Variants in HECW1 observed in about 807,000 individuals in gnomAD.
HECW1 encodes HECT, C2 and WW domain containing E3 ubiquitin protein ligase 1.
In HECW1, 61 loss-of-function variants were observed where a neutral mutation model predicts 182.3. The observed-to-expected ratio is 0.33, with a 90% CI of 0.27 to 0.41. The LOEUF is 0.41. Ranked by LOEUF, HECW1 falls within the 10% of genes least tolerant of loss-of-function variation. HECW1 has a pLI of 1.00. For synonymous variants in HECW1, 859 were observed against 832.6 expected (o/e 1.03, Z -0.55); for missense variants, 1,739 against 2,108.9 (o/e 0.82, Z 3.44).
At chr7:43,448,956 C>T (rs2077150108) in intron 11 of HECW1, among the ~76,000 whole-genome samples, 1 of 152,192 alleles carries the variant, frequency 6.6e-6, no homozygotes, top group African/African-American at 2.4e-5. Context: ...TTCTTCAGTG[C>T]CTCCATCCAT....
intron 21 of HECW1, among the ~76,000 whole-genome samples, chr7:43,503,631 C>A (rs867702162): frequency 6.6e-6 from 1 of 152,096 alleles, no homozygotes; most frequent in Middle Eastern, 3.2e-3. Context: ...TAGCATTGAC[C>A]ACAGGGTCCT....
intron 2 of HECW1, among the ~76,000 whole-genome samples, chr7:43,150,193 A>G (rs550115991): frequency 6.6e-6 from 1 of 152,348 alleles, no homozygotes; most frequent in East Asian, 1.9e-4. Flanking sequence ...ATAGAGAAGT[A>G]AAATAACTTG....
rs192599682 is a variant in HECW1 at position 43,231,877 on chromosome 7, C to T, written c.-31-11998C>T. ...TAAAAAATACAAAAAAAAAAATTAG[C>T]CAGGCGTGGTGGCGGGCGCCTGTAG... On this transcript the variant is annotated intron_variant, in intron 2 of 29. Transcript: ENST00000395891. Among the ~76,000 whole-genome samples the T allele has an allele frequency of 2.2e-4, 33 of 151,774 alleles. 1 individual carries two copies. In the South Asian group the frequency reaches 3.1e-3, roughly 14 times the overall value.
intron 5 of HECW1, among the ~76,000 whole-genome samples, chr7:43,357,147 G>A (rs1327445111): frequency 6.6e-6 from 1 of 152,102 alleles, no homozygotes; most frequent in Non-Finnish European, 1.5e-5. Flanking sequence ...AATTAGTACA[G>A]CCACTATGAA....
At chr7:43,370,272 C>T (rs1315427142) in intron 6 of HECW1, among the ~76,000 whole-genome samples, 1 of 152,138 alleles carries the variant, frequency 6.6e-6, no homozygotes, top group Non-Finnish European at 1.5e-5. Flanking sequence ...CAATATATGT[C>T]ATTAGAGAAC....
At chr7:43,545,646 C>G (rs2081530009) in intron 26 of HECW1, among the ~76,000 whole-genome samples, 1 of 152,130 alleles carries the variant, frequency 6.6e-6, no homozygotes, top group African/African-American at 2.4e-5. Flanking sequence ...GTATTATAAA[C>G]TGCATGCTTA....
chr7:43,332,376 C>T (rs776685284), intron 5 of HECW1, among the ~76,000 whole-genome samples: 4 of 152,176 alleles, frequency 2.6e-5, no homozygotes, highest in Non-Finnish European at 5.9e-5. Flanking sequence ...ATTTTGATCT[C>T]CATGAGATGG....
At chr7:43,368,863 A>C (rs1293826153) in intron 6 of HECW1, among the ~76,000 whole-genome samples, 1 of 152,210 alleles carries the variant, frequency 6.6e-6, no homozygotes, top group Non-Finnish European at 1.5e-5. Context: ...TGTGATCCCC[A>C]ATAGTTGGTT....
intron 5 of HECW1, among the ~76,000 whole-genome samples, chr7:43,347,860 T>G (rs1813884072): frequency 6.6e-6 from 1 of 152,188 alleles, no homozygotes; most frequent in Admixed American, 6.5e-5. Flanking sequence ...TACATCCCTC[T>G]TATAAAACCC....
rs142728786 is a variant in HECW1, at chr7:43,390,565, G to A, written c.556-6249G>A. Among the ~76,000 whole-genome samples the A allele has an allele frequency of 4.3e-3, 595 of 137,232 alleles. 3 individuals carry two copies. Among genetic ancestry groups the A allele is most frequent in the African/African-American group, 0.015 (556 of 37,076 alleles). 90.0% of individuals were successfully genotyped at this position (137,232 alleles called of 152,430 possible). A position where few individuals can be genotyped will look rare whatever the true frequency, so the allele number is the denominator to read the frequency against. On this transcript the variant is annotated intron_variant, in intron 6 of 29. Transcript: ENST00000395891. ...AAAAAAAAACAAAAAAAAAACAGCAGAGTTGTGGAGGCAGAATATGAACAA... is the reference window on the plus strand; with the variant it reads ...AAAAAAAAACAAAAAAAAAACAGCAAAGTTGTGGAGGCAGAATATGAACAA...
In HECW1 at chr7:43,468,811, A is replaced by G. The variant is rs913096944; in HGVS notation, c.2914-109A>G. ...GGCCTCTACCTCACACTCACAATAA[A>G]CTGCTGTGTCACAATCACACTTAGC... On this transcript the variant is annotated intron_variant, in intron 15 of 29. Transcript: ENST00000395891. 4.2e-6 allele frequency: 4 copies of G among 948,494 alleles called. No individual in the cohort carries two copies. In the Admixed American group the frequency reaches 9.6e-5, roughly 23 times the overall value. 58.8% of individuals were successfully genotyped at this position (948,494 alleles called of 1,614,324 possible).
intron 19 of HECW1, among the ~76,000 whole-genome samples, chr7:43,495,198 T>C (rs891201804): frequency 3.9e-5 from 6 of 152,166 alleles, no homozygotes; most frequent in Admixed American, 1.3e-4. Context: ...TGCACCATGG[T>C]GGTTTGCTGC....
intron 16 of HECW1, among the ~76,000 whole-genome samples, chr7:43,474,276 C>A (rs939850623): frequency 6.6e-6 from 1 of 151,984 alleles, no homozygotes; most frequent in Admixed American, 6.6e-5. Context: ...GGTGAAACCC[C>A]GTCTCTACTA....
intron 2 of HECW1, among the ~76,000 whole-genome samples, chr7:43,146,201 T>C (rs1022146781): frequency 6.6e-6 from 1 of 152,210 alleles, no homozygotes; most frequent in Non-Finnish European, 1.5e-5. Flanking sequence ...GGATTTAGGG[T>C]TTCTCCACCT....
At chr7:43,274,357 G>A in intron 3 of HECW1, 3 of 701,908 alleles carry the variant, frequency 4.3e-6, no homozygotes, top group East Asian at 5.6e-5. Flanking sequence ...CTGTGGACAG[G>A]TGTTTGAGAA....
chr7:43,381,067 G>A (rs551241646), intron 6 of HECW1, among the ~76,000 whole-genome samples: 1 of 152,212 alleles, frequency 6.6e-6, no homozygotes, highest in South Asian at 2.1e-4. Flanking sequence ...AGCTTTATTT[G>A]TATCTTCCTG....
chr7:43,422,368 G>GT (rs56093938), intron 8 of HECW1, among the ~76,000 whole-genome samples: 101 of 126,588 alleles, frequency 8.0e-4, no homozygotes, highest in Non-Finnish European at 1.1e-3. Flanking sequence ...GGTTGTTGTT[G>GT]TTTTTTTTTT....
At chr7:43,306,303 G>C (rs1026034935) in intron 3 of HECW1, among the ~76,000 whole-genome samples, 16 of 151,510 alleles carry the variant, frequency 1.1e-4, no homozygotes, top group Non-Finnish European at 1.6e-4. Context: ...TGTCTGTTTT[G>C]TATTTTCCTA....
intron 24 of HECW1, among the ~76,000 whole-genome samples, chr7:43,526,888 C>T (rs957688821): frequency 6.6e-6 from 1 of 152,072 alleles, no homozygotes; most frequent in African/African-American, 2.4e-5. Context: ...CCCTGCTACT[C>T]GGGAGACTAA....
Sources: allele counts gnomAD v4.1 joint callset (sites outside exome capture counted in the v4.1 genomes callset), GRCh38; gene constraint gnomAD v4.1.1; transcripts MANE v1.5; gene names NCBI Gene and HGNC (gene_info 2026-07-23, HGNC 2026-07-21).